Variants in SLC25A26 observed in about 807,000 individuals in gnomAD.
SLC25A26 encodes the protein mitochondrial S-adenosylmethionine carrier protein.
SLC25A26 carries 36 observed loss-of-function variants against 37.8 expected under a neutral mutation model. The ratio of observed to expected loss-of-function variants is 0.95; its 90% CI spans 0.73 to 1.26. The LOEUF (loss-of-function observed/expected upper bound fraction) is 1.26. Among genes scored for constraint, SLC25A26 ranks in the 50% most tolerant of loss-of-function variants. The pLI is 0.00. For missense variants in SLC25A26, 390 were observed against 331.1 expected (o/e 1.18, Z -1.38); for synonymous variants, 129 against 122.5 (o/e 1.05, Z -0.35).
Position 66,212,659 on chromosome 3 carries a change from C to T in SLC25A26, c.-353-8083C>T, listed in dbSNP as rs1259437495. Among the ~76,000 whole-genome samples, 6 of 152,282 alleles carry T rather than the reference C, an allele frequency of 3.9e-5. No homozygotes were observed. The East Asian group carries it at 1.2e-3, about 29-fold the overall frequency. ...ATTCTCCATTTCCCCCTCCCCTAAG[C>T]TCCTGGCAACCACCATGCTACTTTT... On this transcript the variant is annotated intron_variant, in intron 1 of 10. Transcript: ENST00000676754.
At chr3:66,219,229 T>C (rs2071407716), upstream of SLC25A26, among the ~76,000 whole-genome samples, 1 of 152,118 alleles carries the variant, frequency 6.6e-6, no homozygotes, top group African/African-American at 2.4e-5. Flanking sequence ...TGAGGGTTTA[T>C]AGGAATGTGA....
At chr3:66,186,896 T>C (rs1311648167) in intron 1 of SLC25A26, among the ~76,000 whole-genome samples, 1 of 152,128 alleles carries the variant, frequency 6.6e-6, no homozygotes, top group Non-Finnish European at 1.5e-5. Flanking sequence ...GTCCCTGAGC[T>C]TGCTTGTGAA....
At chr3:66,209,292 T>G (rs1184875488) in intron 1 of SLC25A26, among the ~76,000 whole-genome samples, 1 of 139,938 alleles carries the variant, frequency 7.1e-6, no homozygotes, top group Admixed American at 7.5e-5. Flanking sequence ...ATATAATATA[T>G]AGCTATATGT....
chr3:66,332,654 C>T (rs1047989963), intron 5 of SLC25A26, among the ~76,000 whole-genome samples: 40 of 152,212 alleles, frequency 2.6e-4, no homozygotes, highest in African/African-American at 8.2e-4. Context: ...TCAAGCCATC[C>T]GCCTGCCTTG....
intron 1 of SLC25A26, among the ~76,000 whole-genome samples, chr3:66,209,009 TA>T: frequency 9.8e-4 from 2 of 2,034 alleles, no homozygotes; most frequent in African/African-American, 5.6e-4. Flanking sequence ...CATATAAAGG[TA>T]TATATATATA....
At chr3:66,271,333 G>A (rs1179472061) in intron 5 of SLC25A26, among the ~76,000 whole-genome samples, 6 of 152,138 alleles carry the variant, frequency 3.9e-5, no homozygotes, top group Non-Finnish European at 8.8e-5. Flanking sequence ...TAAGGCTGGT[G>A]TACTGGTTAG....
At chr3:66,367,125 G>A (rs901154955) in intron 7 of SLC25A26, among the ~76,000 whole-genome samples, 4 of 152,190 alleles carry the variant, frequency 2.6e-5, no homozygotes, top group South Asian at 2.1e-4. Flanking sequence ...CTAAAGATAC[G>A]AAGAAAAAGC....
chr3:66,335,103 GA>G (rs913290784), intron 5 of SLC25A26, among the ~76,000 whole-genome samples: 1 of 152,106 alleles, frequency 6.6e-6, no homozygotes, highest in South Asian at 2.1e-4. Flanking sequence ...AACAACTGGG[GA>G]AAAAAACAGT....
chr3:66,247,847 T>C (rs115552222), intron 3 of SLC25A26, among the ~76,000 whole-genome samples: 1,690 of 152,322 alleles, frequency 0.011, 33 homozygotes, highest in African/African-American at 0.039. Flanking sequence ...TTCAGATTCA[T>C]GGAAGTATGG....
intron 5 of SLC25A26, chr3:66,304,499 G>A: frequency 2.2e-6 from 1 of 454,652 alleles, no homozygotes; most frequent in South Asian, 1.5e-5. Flanking sequence ...GAGCTTCTGT[G>A]AGTTGTTGTG....
At chr3:66,252,326 C>T (rs782355831) in intron 3 of SLC25A26, among the ~76,000 whole-genome samples, 10 of 152,006 alleles carry the variant, frequency 6.6e-5, no homozygotes, top group Admixed American at 1.3e-4. Flanking sequence ...TAAGAGACAC[C>T]GAATAAGAAA....
rs949190081 is a variant in SLC25A26, at chr3:66,207,477, T to C, written c.-353-13265T>C. On this transcript the variant is annotated intron_variant, in intron 1 of 10. Transcript: ENST00000676754. ...TATTATGGGAAGACAGACTCCAAACTTGTTTTAAAGGCAAGTCTTTGTTCA... is the reference window on the plus strand; with the variant it reads ...TATTATGGGAAGACAGACTCCAAACCTGTTTTAAAGGCAAGTCTTTGTTCA... Among the ~76,000 whole-genome samples the C allele has an allele frequency of 2.7e-4, 41 of 152,316 alleles. No homozygotes were observed. In the South Asian group the frequency reaches 7.7e-3, roughly 28 times the overall value.
upstream of SLC25A26, among the ~76,000 whole-genome samples, chr3:66,218,430 C>T (rs1043358482): frequency 5.0e-3 from 755 of 152,232 alleles, 6 homozygotes; most frequent in African/African-American, 0.017. Context: ...GCTTCTCATC[C>T]TTGTCAACAC....
At chr3:66,149,850 A>T (rs1443341456) in intron 1 of SLC25A26, among the ~76,000 whole-genome samples, 2 of 152,142 alleles carry the variant, frequency 1.3e-5, no homozygotes, top group Non-Finnish European at 2.9e-5. Flanking sequence ...TTAGCTCTTC[A>T]CCATTCCACC....
chr3:66,317,811 T>A (rs2107628920), intron 5 of SLC25A26, among the ~76,000 whole-genome samples: 1 of 152,280 alleles, frequency 6.6e-6, no homozygotes, highest in Non-Finnish European at 1.5e-5. Context: ...TGGCTGGGGA[T>A]GCTGAAATTC....
At chr3:66,344,729 C>T (rs1461072945) in intron 5 of SLC25A26, among the ~76,000 whole-genome samples, 1 of 152,222 alleles carries the variant, frequency 6.6e-6, no homozygotes, top group African/African-American at 2.4e-5. Context: ...GTGGGGTCCA[C>T]TGGTGTTAAG....
At chr3:66,363,018 T>C (rs755659282) in intron 7 of SLC25A26, 89 bp downstream of exon 7, 25 of 798,580 alleles carry the variant, frequency 3.1e-5, no homozygotes, top group Admixed American at 1.5e-4. Flanking sequence ...TCTTTAGACA[T>C]TCCAGGTTGT....
chr3:66,180,295 T>C (rs2106754708), intron 1 of SLC25A26, among the ~76,000 whole-genome samples: 1 of 152,334 alleles, frequency 6.6e-6, no homozygotes, highest in South Asian at 2.1e-4. Context: ...TGCAAATCTT[T>C]CTTTCTCTGT....
chr3:66,264,998 A>G (rs1392566076), intron 5 of SLC25A26, among the ~76,000 whole-genome samples: 2 of 152,198 alleles, frequency 1.3e-5, no homozygotes, highest in African/African-American at 2.4e-5. Flanking sequence ...ATCACTAAGT[A>G]GTTTCAGTAT....
Sources: allele counts gnomAD v4.1 joint callset (sites outside exome capture counted in the v4.1 genomes callset), GRCh38; gene constraint gnomAD v4.1.1; transcripts MANE v1.5; gene names NCBI Gene and HGNC (gene_info 2026-07-23, HGNC 2026-07-21).